GPHN: variants seen among roughly 807,000 people sequenced by gnomAD.
GPHN encodes the protein gephyrin.
A neutral mutation model predicts 95.5 loss-of-function variants in GPHN; 17 were observed. The ratio of observed to expected loss-of-function variants is 0.18; its 90% CI spans 0.12 to 0.27. The LOEUF (loss-of-function observed/expected upper bound fraction) is 0.27, where lower values mean the gene tolerates loss of function less well. Among genes scored for constraint, GPHN ranks in the 10% least tolerant of loss-of-function variants. The pLI, the probability that GPHN is intolerant of heterozygous loss-of-function variation, is 1.00. For missense variants in GPHN, 660 were observed against 978.1 expected, an observed-to-expected ratio of 0.67 and a Z score of 4.34; for synonymous variants, 320 against 322.5, an observed-to-expected ratio of 0.99 and a Z score of 0.08.
chr14:67,078,174 G>A (rs1183952165), intron 11 of GPHN, among the ~76,000 whole-genome samples: 1 of 152,152 alleles, frequency 6.6e-6, no homozygotes, highest in Non-Finnish European at 1.5e-5. Context: ...ACAGCAGTCT[G>A]TGAAAAGCTG....
At chr14:67,633,540 T>C in the GPHN span, among the ~76,000 whole-genome samples, 5 of 152,208 alleles carry the variant, frequency 3.3e-5, no homozygotes, top group African/African-American at 1.2e-4. Flanking sequence ...TCCCTTCCCA[T>C]GCCCCTCTAT....
the GPHN span, chr14:67,279,860 G>T: frequency 3.8e-6 from 1 of 264,450 alleles, no homozygotes; most frequent in Non-Finnish European, 7.0e-6. Flanking sequence ...TACTAAAAAA[G>T]AATTTTCAGA....
chr14:67,421,392 T>C, the GPHN span, among the ~76,000 whole-genome samples: 2 of 152,104 alleles, frequency 1.3e-5, no homozygotes, highest in African/African-American at 4.8e-5. Flanking sequence ...TGGACCGACC[T>C]CCACTTTACA....
the GPHN span, among the ~76,000 whole-genome samples, chr14:67,346,838 G>A: frequency 1.3e-5 from 2 of 152,140 alleles, no homozygotes; most frequent in African/African-American, 4.8e-5. Context: ...TGTAGGATAT[G>A]CAGAAAAACA....
the GPHN span, among the ~76,000 whole-genome samples, chr14:67,560,239 C>A: frequency 6.6e-6 from 1 of 152,140 alleles, no homozygotes; most frequent in Non-Finnish European, 1.5e-5. Flanking sequence ...GTTGGCCAGG[C>A]TGGTCTCGAA....
At chr14:66,768,273 G>A (rs1252978262) in intron 2 of GPHN, among the ~76,000 whole-genome samples, 1 of 151,532 alleles carries the variant, frequency 6.6e-6, no homozygotes, top group Non-Finnish European at 1.5e-5. Flanking sequence ...CAAAATGAGG[G>A]AGTTTTAAAA....
chr14:67,701,024 C>CAAAAAAA, the GPHN span, among the ~76,000 whole-genome samples: 8 of 67,424 alleles, frequency 1.2e-4, no homozygotes, highest in Non-Finnish European at 1.7e-4. Context: ...AATTTCATCT[C>CAAAAAAA]AAAAAAAAAA....
At chr14:66,825,296 A>G (rs1055722515) in intron 4 of GPHN, among the ~76,000 whole-genome samples, 1 of 152,046 alleles carries the variant, frequency 6.6e-6, no homozygotes, top group Non-Finnish European at 1.5e-5. Context: ...CAACCCCCCA[A>G]AAGTGTTTCT....
chr14:66,902,752 T>A (rs2065180881), intron 5 of GPHN, among the ~76,000 whole-genome samples: 1 of 152,150 alleles, frequency 6.6e-6, no homozygotes, highest in Non-Finnish European at 1.5e-5. Flanking sequence ...GTTGTTGAAC[T>A]TGGTTTACTG....
At chr14:66,746,599 A>G (rs1324826896) in intron 2 of GPHN, among the ~76,000 whole-genome samples, 2 of 150,268 alleles carry the variant, frequency 1.3e-5, no homozygotes, top group African/African-American at 5.0e-5. Context: ...TAAAAGTTCA[A>G]AACAACTTTA....
the GPHN span, among the ~76,000 whole-genome samples, chr14:67,719,923 A>G: frequency 2.6e-4 from 39 of 152,326 alleles, no homozygotes; most frequent in African/African-American, 7.2e-4. Context: ...ATAATATACA[A>G]TGCTATAATG....
At chr14:67,393,601 T>C in the GPHN span, among the ~76,000 whole-genome samples, 1 of 151,932 alleles carries the variant, frequency 6.6e-6, no homozygotes, top group Non-Finnish European at 1.5e-5. Context: ...TTACAGACAT[T>C]TGCCACCACA....
chr14:66,712,958 C>CA (rs1277904716), intron 2 of GPHN, among the ~76,000 whole-genome samples: 4 of 152,190 alleles, frequency 2.6e-5, no homozygotes, highest in African/African-American at 9.6e-5. Context: ...TGAGAATTGT[C>CA]TATTTATGCC....
intron 10 of GPHN, among the ~76,000 whole-genome samples, chr14:67,043,824 G>A (rs1027773580): frequency 2.6e-5 from 4 of 152,088 alleles, no homozygotes; most frequent in African/African-American, 7.2e-5. Flanking sequence ...TGTGCCTCTG[G>A]TAGAATTCAG....
intron 1 of GPHN, among the ~76,000 whole-genome samples, chr14:66,665,484 C>G (rs918299340): frequency 1.3e-5 from 2 of 152,122 alleles, no homozygotes; most frequent in African/African-American, 4.8e-5. Flanking sequence ...ATGCAGCCAA[C>G]AGACACATGA....
chr14:66,613,407 C>A lies in GPHN; in HGVS notation c.65-67700C>A, dbSNP rs150200404. Among the ~76,000 whole-genome samples, 179 of 152,090 alleles carry A rather than the reference C, an allele frequency of 1.2e-3. 9 individuals carry two copies. In the East Asian group the frequency reaches 0.018, roughly 16 times the overall value. On this transcript the variant is annotated intron_variant, in intron 1 of 22. Transcript: ENST00000478722. ...GCACCATTCTACACAACAAAATCAC[C>A]AACAAAATGCATCACAACTTGAAAA...
chr14:67,153,036 C>A (rs1294231230), intron 18 of GPHN, among the ~76,000 whole-genome samples: 1 of 151,974 alleles, frequency 6.6e-6, no homozygotes, highest in Non-Finnish European at 1.5e-5. Flanking sequence ...TGCAGTGGCT[C>A]ACGCCTGTAA....
chr14:67,198,307 G>A, the GPHN span: 21 of 1,613,142 alleles, frequency 1.3e-5, no homozygotes, highest in Non-Finnish European at 1.8e-5. Context: ...ATGTTAGAGA[G>A]CAATTTTATC....
At chr14:66,895,661 G>A (rs1176575818) in intron 5 of GPHN, among the ~76,000 whole-genome samples, 4 of 152,058 alleles carry the variant, frequency 2.6e-5, no homozygotes, top group Non-Finnish European at 5.9e-5. Context: ...TTTACACTCA[G>A]CAAAGTTACC....
Sources: allele counts gnomAD v4.1 joint callset (sites outside exome capture counted in the v4.1 genomes callset), GRCh38; gene constraint gnomAD v4.1.1; transcripts MANE v1.5; gene names NCBI Gene and HGNC (gene_info 2026-07-23, HGNC 2026-07-21).